BMERB1: variants seen among roughly 807,000 people sequenced by gnomAD.
BMERB1 encodes the protein bMERB domain containing 1.
BMERB1 carries 12 observed loss-of-function variants against 23.6 expected under a neutral mutation model. The observed-to-expected ratio is 0.51, with a 90% confidence interval of 0.33 to 0.82. The LOEUF is 0.82. BMERB1 is among the 40% of genes least tolerant of loss of function. The pLI is 0.03. For missense variants in BMERB1, 247 were observed against 255.4 expected, an observed-to-expected ratio of 0.97 and a Z score of 0.22; for synonymous variants, 122 against 96.6, an observed-to-expected ratio of 1.26 and a Z score of -1.54.
At chr16:15,467,889 G>A (rs2051194878) in intron 1 of BMERB1, among the ~76,000 whole-genome samples, 1 of 152,000 alleles carries the variant, frequency 6.6e-6, no homozygotes, top group Non-Finnish European at 1.5e-5. Flanking sequence ...CTGGAAGCAG[G>A]AACTTTCAAG....
intron 1 of BMERB1, among the ~76,000 whole-genome samples, chr16:15,435,049 C>G (rs1453899106): frequency 6.6e-6 from 1 of 152,280 alleles, no homozygotes; most frequent in Non-Finnish European, 1.5e-5. Flanking sequence ...CAGCTCGCAG[C>G]TGGTCCTGTG....
chr16:15,528,379 C>A (rs1252729645), intron 2 of BMERB1, among the ~76,000 whole-genome samples: 1 of 152,166 alleles, frequency 6.6e-6, no homozygotes, highest in East Asian at 1.9e-4. Flanking sequence ...ATGGCCCTCA[C>A]CCCTTAATAC....
At chr16:15,502,087 G>A (rs754588232) in intron 1 of BMERB1, among the ~76,000 whole-genome samples, 9 of 152,194 alleles carry the variant, frequency 5.9e-5, no homozygotes, top group Non-Finnish European at 1.2e-4. Flanking sequence ...TGCCGAGGTC[G>A]GCCGTTAGAA....
chr16:15,543,135 G>A (rs2052102352), intron 2 of BMERB1, among the ~76,000 whole-genome samples: 1 of 152,078 alleles, frequency 6.6e-6, no homozygotes, highest in Non-Finnish European at 1.5e-5. Flanking sequence ...GCTGGAAAGG[G>A]GATGGAGTGG....
intron 1 of BMERB1, among the ~76,000 whole-genome samples, chr16:15,468,264 A>G (rs1223385827): frequency 1.4e-5 from 2 of 147,968 alleles, no homozygotes; most frequent in African/African-American, 2.5e-5. Context: ...TCCCACCTCA[A>G]CCTTCCAAGT....
chr16:15,541,804 A>G (rs1166160649), intron 2 of BMERB1, among the ~76,000 whole-genome samples: 2 of 150,712 alleles, frequency 1.3e-5, no homozygotes, highest in African/African-American at 4.9e-5. Flanking sequence ...GGGTTTCACC[A>G]TGTTAGCCAG....
intron 2 of BMERB1, among the ~76,000 whole-genome samples, chr16:15,552,268 C>T (rs7190573): frequency 0.073 from 11,025 of 151,914 alleles, 1,218 homozygotes; most frequent in African/African-American, 0.23. Context: ...GGTGAAACCC[C>T]GTCTCTACTG....
At chr16:15,551,334 G>C (rs1363614554) in intron 2 of BMERB1, among the ~76,000 whole-genome samples, 4 of 152,078 alleles carry the variant, frequency 2.6e-5, no homozygotes, top group Non-Finnish European at 5.9e-5. Flanking sequence ...GGGGTGGTGT[G>C]CTAGAACCAT....
intron 2 of BMERB1, among the ~76,000 whole-genome samples, chr16:15,527,172 T>G (rs1054557514): frequency 2.6e-5 from 4 of 151,958 alleles, no homozygotes; most frequent in African/African-American, 9.7e-5. Flanking sequence ...TCACCATCCC[T>G]CCCCAGAATT....
At chr16:15,525,536 C>G (rs1467349988) in intron 2 of BMERB1, among the ~76,000 whole-genome samples, 1 of 151,844 alleles carries the variant, frequency 6.6e-6, no homozygotes, top group Admixed American at 6.6e-5. Context: ...GAATCCCTGC[C>G]TCTACTAAAA....
chr16:15,564,231 A>G (rs898292775), intron 2 of BMERB1, among the ~76,000 whole-genome samples: 1 of 152,242 alleles, frequency 6.6e-6, no homozygotes, highest in African/African-American at 2.4e-5. Flanking sequence ...GGAAATGTCC[A>G]TAGTCATTAC....
intron 2 of BMERB1, among the ~76,000 whole-genome samples, chr16:15,553,961 G>C (rs994598821): frequency 6.6e-6 from 1 of 152,154 alleles, no homozygotes; most frequent in Admixed American, 6.5e-5. Context: ...CCCATGTTAA[G>C]GTTCTTTACA....
At chr16:15,585,431 C>A (rs972551881) in intron 5 of BMERB1, among the ~76,000 whole-genome samples, 2 of 152,142 alleles carry the variant, frequency 1.3e-5, no homozygotes, top group African/African-American at 4.8e-5. Context: ...GGGATCCTAG[C>A]AGATTTAGCA....
At chr16:15,568,123 A>T in intron 3 of BMERB1, 67 bp downstream of exon 3, 2 of 1,386,082 alleles carry the variant, frequency 1.4e-6, no homozygotes. Flanking sequence ...GCCCATCTGT[A>T]CGCCTGGGTC....
Position 15,449,640 on chromosome 16 carries a change from G to A in BMERB1, c.106+14881G>A, listed in dbSNP as rs189388597. On this transcript the variant is annotated intron_variant, in intron 1 of 5. Transcript: ENST00000300006. ...AGCTCAATGCAACCTCTGCCTCCCA[G>A]GTTCAAGCGATTCTCCTGCCTCAGC... Among the ~76,000 whole-genome samples, 7 of 152,052 alleles carry A rather than the reference G, an allele frequency of 4.6e-5. No individual in the cohort carries two copies. In the East Asian group the frequency reaches 1.2e-3, roughly 25 times the overall value.
chr16:15,507,605 C>T (rs1204319697), intron 1 of BMERB1, among the ~76,000 whole-genome samples: 4 of 152,164 alleles, frequency 2.6e-5, no homozygotes, highest in African/African-American at 4.8e-5. Flanking sequence ...ATGCTCCTCC[C>T]GTTTCTTCCC....
At chr16:15,495,841 A>C (rs2051467084) in intron 1 of BMERB1, among the ~76,000 whole-genome samples, 1 of 152,082 alleles carries the variant, frequency 6.6e-6, no homozygotes, top group South Asian at 2.1e-4. Context: ...TCTGGGAGGG[A>C]GGTGAAGTTG....
chr16:15,499,137 A>C (rs969045032), intron 1 of BMERB1, among the ~76,000 whole-genome samples: 2 of 151,980 alleles, frequency 1.3e-5, no homozygotes, highest in African/African-American at 2.4e-5. Context: ...TTTCTCCTCT[A>C]CTCCTCAATC....
At chr16:15,479,460 T>C (rs1197214964) in intron 1 of BMERB1, among the ~76,000 whole-genome samples, 1 of 152,166 alleles carries the variant, frequency 6.6e-6, no homozygotes, top group East Asian at 1.9e-4. Context: ...CAAGTAAACC[T>C]TAAAAATGAC....
Sources: allele counts gnomAD v4.1 joint callset (sites outside exome capture counted in the v4.1 genomes callset), GRCh38; gene constraint gnomAD v4.1.1; transcripts MANE v1.5; gene names NCBI Gene and HGNC (gene_info 2026-07-23, HGNC 2026-07-21).